The following UBASH3A variants were observed in gnomAD, a reference collection of about 807,000 sequenced individuals.
UBASH3A encodes the protein ubiquitin-associated and SH3 domain-containing protein A.
A neutral mutation model predicts 73.5 loss-of-function variants in UBASH3A; 63 were observed. The ratio of observed to expected loss-of-function variants is 0.86; its 90% CI spans 0.70 to 1.06. UBASH3A has a LOEUF of 1.06. Among genes scored for constraint, UBASH3A ranks in the 50% least tolerant of loss-of-function variants. The pLI is 0.00. For missense variants in UBASH3A, 860 were observed against 859.0 expected (o/e 1.00, Z -0.02); for synonymous variants, 363 against 351.1 (o/e 1.03, Z -0.38).
At chr21:42,406,244 C>A in intron 1 of UBASH3A, 64 bp from the exon 2 acceptor site, 1 of 1,365,710 alleles carries the variant, frequency 7.3e-7, no homozygotes, top group Non-Finnish European at 1.0e-6. Context: ...CCACACCCTG[C>A]CTCTCTGACC....
intron 8 of UBASH3A, 22 bp from the exon 9 acceptor site, chr21:42,432,081 T>G: frequency 1.3e-6 from 2 of 1,549,098 alleles, no homozygotes; most frequent in African/African-American, 1.4e-5. Context: ...GCATGTGCCT[T>G]GCTTCCTGCC....
chr21:42,406,036 A>G (rs1444061310), intron 1 of UBASH3A, among the ~76,000 whole-genome samples: 1 of 147,700 alleles, frequency 6.8e-6, no homozygotes, highest in Non-Finnish European at 1.5e-5. Flanking sequence ...GGCGGAGGTC[A>G]GGTCCTCAGC....
chr21:42,408,738 A>G (rs568333531), intron 2 of UBASH3A, among the ~76,000 whole-genome samples: 146 of 151,928 alleles, frequency 9.6e-4, no homozygotes, highest in African/African-American at 3.5e-3. Context: ...TTTTTCCTTT[A>G]ATTTAAAATA....
At chr21:42,422,977 T>A (rs2053367198) in intron 7 of UBASH3A, among the ~76,000 whole-genome samples, 1 of 152,240 alleles carries the variant, frequency 6.6e-6, no homozygotes, top group Non-Finnish European at 1.5e-5. Flanking sequence ...CACGACCATT[T>A]CATAATGTTT....
At chr21:42,437,449 T>C in intron 10 of UBASH3A, 39 bp from the exon 11 acceptor site, 1 of 1,582,530 alleles carries the variant, frequency 6.3e-7, no homozygotes, top group Non-Finnish European at 8.7e-7. Flanking sequence ...AGGCTAGAAT[T>C]ATGAAGGGGC....
intron 7 of UBASH3A, among the ~76,000 whole-genome samples, chr21:42,425,093 C>A (rs766884336): frequency 2.0e-5 from 3 of 152,190 alleles, no homozygotes; most frequent in Non-Finnish European, 4.4e-5. Context: ...GAAATGAACA[C>A]AGGGACGTAG....
chr21:42,435,983 A>G (rs1568935017), intron 10 of UBASH3A, among the ~76,000 whole-genome samples: 1 of 97,452 alleles, frequency 1.0e-5, no homozygotes, highest in Non-Finnish European at 2.0e-5. Flanking sequence ...TTATAGAGTT[A>G]GTTATAGAGT....
At chr21:42,426,304 G>C (rs929616862) in intron 7 of UBASH3A, among the ~76,000 whole-genome samples, 1 of 152,206 alleles carries the variant, frequency 6.6e-6, no homozygotes, top group Non-Finnish European at 1.5e-5. Context: ...AAAAGATTGA[G>C]CCAGCACCAT....
intron 1 of UBASH3A, among the ~76,000 whole-genome samples, chr21:42,405,248 C>G (rs11203202): frequency 0.27 from 41,059 of 152,008 alleles, 6,017 homozygotes; most frequent in South Asian, 0.34. Context: ...GGGCGGCCAC[C>G]GGGCACCGTC....
At chr21:42,432,770 GA>G (rs2053557889) in intron 9 of UBASH3A, among the ~76,000 whole-genome samples, 1 of 152,136 alleles carries the variant, frequency 6.6e-6, no homozygotes, top group Non-Finnish European at 1.5e-5. Flanking sequence ...AATGAGTAGG[GA>G]AAACCATTGG....
chr21:42,409,276 A>G, intron 2 of UBASH3A, 146 bp from the exon 3 acceptor site: 1 of 805,168 alleles, frequency 1.2e-6, no homozygotes, highest in Non-Finnish European at 1.9e-6. Context: ...TGGCTGTGAG[A>G]TTAATTTATG....
rs112279676 is a variant in UBASH3A, at chr21:42,442,406, G to A, written c.1487-46G>A. On this transcript the variant is annotated intron_variant, in intron 11 of 14. Coordinates refer to ENST00000319294, the MANE Select transcript of UBASH3A (RefSeq NM_018961.4). Reference sequence around the variant, plus strand: ...AAGGAGACTTATTTATGCAAAGTCAGGGTGGATGTTGAGGATGATAAACAC... The same window carrying A: ...AAGGAGACTTATTTATGCAAAGTCAAGGTGGATGTTGAGGATGATAAACAC... 160 of 1,600,342 alleles carry A rather than the reference G, an allele frequency of 1.0e-4. 3 individuals carry two copies. In the African/African-American group the frequency reaches 1.8e-3, roughly 18 times the overall value.
chr21:42,446,998 G>T, intron 14 of UBASH3A, 59 bp from the exon 15 acceptor site: 1 of 1,570,144 alleles, frequency 6.4e-7, no homozygotes, highest in Admixed American at 1.8e-5. Flanking sequence ...TTTGGAGCTA[G>T]TCTGAAATTG....
Position 42,432,172 on chromosome 21 carries a change from G to C in UBASH3A, c.1240G>C (p.Ala414Pro), listed in dbSNP as rs567843016. The change falls in exon 9 of 15, where the codon GCA (alanine) becomes CCA (proline). Residue 414 changes from alanine (A) to proline (P), a missense_variant. Physicochemically the swap from Ala to Pro is conservative, Grantham distance 27. Coordinates refer to ENST00000319294, the MANE Select transcript of UBASH3A (RefSeq NM_018961.4). ...GAGAGTGGATCAGATCTTCGGGAAG[G>C]CATGGCTGCAGCAATGCTCCACTCC... ...GERVDQIFGKAWLQQCSTPDG... is the reference protein window; with the variant it reads ...GERVDQIFGKPWLQQCSTPDG... 4 of 1,613,320 alleles carry C rather than the reference G, an allele frequency of 2.5e-6. No individual in the cohort carries two copies. Among genetic ancestry groups the C allele is most frequent in the African/African-American group, 1.3e-5 (1 of 74,838 alleles).
chr21:42,411,102 C>T (rs2053085219), intron 3 of UBASH3A, among the ~76,000 whole-genome samples: 1 of 151,346 alleles, frequency 6.6e-6, no homozygotes, highest in South Asian at 2.1e-4. Context: ...CAGATACACA[C>T]AGACACACAC....
intron 8 of UBASH3A, among the ~76,000 whole-genome samples, chr21:42,427,323 A>G (rs1373141348): frequency 6.6e-6 from 1 of 152,072 alleles, no homozygotes; most frequent in South Asian, 2.1e-4. Flanking sequence ...CTGAACGCAA[A>G]CAAGTGACAT....
chr21:42,427,567 C>A (rs944057593), intron 8 of UBASH3A, among the ~76,000 whole-genome samples: 1 of 152,214 alleles, frequency 6.6e-6, no homozygotes, highest in Non-Finnish European at 1.5e-5. Context: ...GCTATTCCTG[C>A]CCCCTACCCA....
chr21:42,404,616 G>A (rs1169903272), intron 1 of UBASH3A, among the ~76,000 whole-genome samples: 3 of 152,148 alleles, frequency 2.0e-5, no homozygotes, highest in Non-Finnish European at 4.4e-5. Flanking sequence ...GCAGCTCAGT[G>A]ACTCTGAAAG....
intron 13 of UBASH3A, 51 bp downstream of exon 13, chr21:42,443,469 T>C (rs748914910): frequency 8.1e-6 from 12 of 1,473,518 alleles, no homozygotes; most frequent in Non-Finnish European, 1.0e-5. Flanking sequence ...CTTGGGGAAT[T>C]ATCTCTGAGA....
Sources: allele counts gnomAD v4.1 joint callset (sites outside exome capture counted in the v4.1 genomes callset), GRCh38; gene constraint gnomAD v4.1.1; transcripts MANE v1.5; gene names NCBI Gene and HGNC (gene_info 2026-07-23, HGNC 2026-07-21).